The following DOCK10 variants were observed in gnomAD, a reference collection of about 807,000 sequenced individuals.
DOCK10 encodes dedicator of cytokinesis 10.
DOCK10 carries 145 observed loss-of-function variants against 280.1 expected under a neutral mutation model. The ratio of observed to expected loss-of-function variants is 0.52; its 90% CI spans 0.45 to 0.59. The LOEUF (loss-of-function observed/expected upper bound fraction) is 0.59, where lower values mean the gene tolerates loss of function less well. Ranked by LOEUF, DOCK10 falls within the 20% of genes least tolerant of loss-of-function variation. The pLI, the probability that DOCK10 is intolerant of heterozygous loss-of-function variation, is 0.00. For synonymous variants in DOCK10, 915 were observed against 942.2 expected, an observed-to-expected ratio of 0.97 and a Z score of 0.53; for missense variants, 2,368 against 2,651.7, an observed-to-expected ratio of 0.89 and a Z score of 2.35.
intron 18 of DOCK10, among the ~76,000 whole-genome samples, chr2:224,850,386 G>C (rs930632915): frequency 6.6e-6 from 1 of 151,904 alleles, no homozygotes; most frequent in Admixed American, 6.6e-5. Context: ...CAATTATGAG[G>C]GTCTGAAATT....
intron 2 of DOCK10, among the ~76,000 whole-genome samples, chr2:224,928,664 T>G (rs1702165072): frequency 1.3e-5 from 2 of 152,248 alleles, no homozygotes; most frequent in African/African-American, 2.4e-5. Flanking sequence ...GTCAGTTGCT[T>G]AATGCAAATT....
chr2:224,946,018 C>T (rs1575099069), intron 1 of DOCK10, among the ~76,000 whole-genome samples: 1 of 152,190 alleles, frequency 6.6e-6, no homozygotes, highest in Non-Finnish European at 1.5e-5. Flanking sequence ...CCAGATCCAC[C>T]ATGTGAAATG....
chr2:224,789,293 T>C (rs968617214), intron 47 of DOCK10, 123 bp from the exon 48 acceptor site: 17 of 625,978 alleles, frequency 2.7e-5, no homozygotes, highest in Non-Finnish European at 4.9e-5. Context: ...ATCAACAAGA[T>C]GGTTAGATTA....
At chr2:224,838,402 A>G (rs567628843) in intron 24 of DOCK10, among the ~76,000 whole-genome samples, 1 of 152,186 alleles carries the variant, frequency 6.6e-6, no homozygotes, top group South Asian at 2.1e-4. Context: ...CATTAACACT[A>G]CCAGCTGCTC....
At position 224,885,822 on chromosome 2, in the gene DOCK10, A is replaced by T. The variant is rs1159928281; in HGVS notation, c.613-17T>A. The T allele has an allele frequency of 1.2e-6, 2 of 1,607,434 alleles. No individual in the cohort carries two copies. Among genetic ancestry groups the T allele is most frequent in the Non-Finnish European group, 1.7e-6 (2 of 1,178,186 alleles). ...TTTGAATGACTAAATAAAGGAAAAGATATAAGGAGATATTCAAATTGTAAT... is the reference window on the plus strand; with the variant it reads ...TTTGAATGACTAAATAAAGGAAAAGTTATAAGGAGATATTCAAATTGTAAT... On this transcript the variant is annotated splice_polypyrimidine_tract_variant and intron_variant, in intron 6 of 55. Coordinates refer to ENST00000258390, the MANE Select transcript of DOCK10 (RefSeq NM_014689.3).
chr2:224,931,165 G>A (rs1360701218), intron 2 of DOCK10, among the ~76,000 whole-genome samples: 3 of 152,202 alleles, frequency 2.0e-5, no homozygotes, highest in African/African-American at 7.2e-5. Context: ...TTGTGCTAAT[G>A]GAGTCCTGTC....
intron 19 of DOCK10, among the ~76,000 whole-genome samples, chr2:224,846,450 G>A (rs901432809): frequency 9.3e-5 from 14 of 150,838 alleles, no homozygotes; most frequent in African/African-American, 3.2e-4. Context: ...TTGTTGCCCA[G>A]ACTAGAGTGC....
chr2:224,857,917 C>T (rs1574948632), intron 14 of DOCK10, among the ~76,000 whole-genome samples: 3 of 151,854 alleles, frequency 2.0e-5, no homozygotes, highest in Admixed American at 2.0e-4. Context: ...AAATAGAACA[C>T]CAAAAGAAAA....
At position 224,797,824 on chromosome 2, in the gene DOCK10, A is replaced by G. The variant is rs1434863368; in HGVS notation, c.4644+8T>C. 2 of 1,611,132 alleles carry G rather than the reference A, an allele frequency of 1.2e-6. No homozygotes were observed. The highest frequency in any genetic ancestry group is 1.3e-5 in the African/African-American group (1 of 74,724). On this transcript the variant is annotated splice_region_variant and intron_variant, in intron 42 of 55. Coordinates refer to ENST00000258390, the MANE Select transcript of DOCK10 (RefSeq NM_014689.3). The stretch of plus-strand genomic sequence containing the variant: ...ACCTAAACTTCATTGAAACCTGGAG[A>G]TCCTTACCTTGCATACAAACAGTCT...
chr2:224,885,847 T>C (rs371323360), intron 6 of DOCK10, 42 bp from the exon 7 acceptor site: 101 of 1,598,902 alleles, frequency 6.3e-5, no homozygotes, highest in Middle Eastern at 4.3e-4. Flanking sequence ...CAAATTGTAA[T>C]GTGCTATTAC....
intron 1 of DOCK10, among the ~76,000 whole-genome samples, chr2:225,005,559 A>G (rs1307272058): frequency 1.3e-5 from 2 of 152,206 alleles, no homozygotes; most frequent in African/African-American, 4.8e-5. Context: ...TTTAAACTAA[A>G]ACTGTATTCT....
chr2:224,948,678 A>G (rs1703562443), intron 1 of DOCK10, among the ~76,000 whole-genome samples: 2 of 152,214 alleles, frequency 1.3e-5, no homozygotes, highest in South Asian at 4.1e-4. Context: ...AAAATCTGAT[A>G]AAAGCTATGA....
chr2:225,013,193 A>C (rs1689491952), intron 1 of DOCK10, among the ~76,000 whole-genome samples: 1 of 152,192 alleles, frequency 6.6e-6, no homozygotes, highest in African/African-American at 2.4e-5. Context: ...GAGATTGCAC[A>C]AATCATTTCT....
At chr2:224,984,388 GC>G (rs1205731847) in intron 1 of DOCK10, among the ~76,000 whole-genome samples, 2 of 152,226 alleles carry the variant, frequency 1.3e-5, no homozygotes, top group African/African-American at 4.8e-5. Context: ...TTTGGCAGAT[GC>G]CAAAGTCTTT....
At chr2:224,960,833 G>A (rs948208560) in intron 1 of DOCK10, among the ~76,000 whole-genome samples, 1 of 131,130 alleles carries the variant, frequency 7.6e-6, no homozygotes, top group Non-Finnish European at 1.6e-5. Flanking sequence ...TCCGCCTCCC[G>A]GGTTCACGCC....
Position 224,765,721 on chromosome 2 carries a change from T to C in DOCK10, c.6561A>G (p.Ter2187TrpextTer14). 1 of 1,608,948 alleles carries C rather than the reference T, an allele frequency of 6.2e-7. No homozygotes were observed. Among genetic ancestry groups the C allele is most frequent in the Non-Finnish European group, 8.5e-7 (1 of 1,175,738 alleles). ...AGGTGGGTCTGATGCTGCAGAGCCC[T>C]CAGACTTCAGCACTAGATGAGATGG... The part of the protein sequence containing the change: ...TVSISSSAEV[*>W] Residue 2187 changes from the stop codon to tryptophan, a stop_lost, in exon 56 of 56, where the codon TGA becomes TGG. Transcript: ENST00000258390.
At chr2:224,910,558 GATA>G (rs1270980158) in intron 3 of DOCK10, among the ~76,000 whole-genome samples, 5 of 152,148 alleles carry the variant, frequency 3.3e-5, no homozygotes, top group East Asian at 3.9e-4. Flanking sequence ...ATTAAAAGGT[GATA>G]ATGATGATAA....
At chr2:224,937,188 T>C (rs899150855) in intron 1 of DOCK10, among the ~76,000 whole-genome samples, 1 of 152,166 alleles carries the variant, frequency 6.6e-6, no homozygotes, top group African/African-American at 2.4e-5. Flanking sequence ...TCACAAAGGA[T>C]TAGAAATCAG....
intron 17 of DOCK10, 124 bp downstream of exon 17, chr2:224,852,811 C>G: frequency 2.4e-6 from 2 of 822,764 alleles, no homozygotes; most frequent in Non-Finnish European, 1.8e-6. Context: ...AACATCTTCT[C>G]CAAACGGTTT....
Sources: allele counts gnomAD v4.1 joint callset (sites outside exome capture counted in the v4.1 genomes callset), GRCh38; gene constraint gnomAD v4.1.1; transcripts MANE v1.5; gene names NCBI Gene and HGNC (gene_info 2026-07-23, HGNC 2026-07-21).